Variants in MYO16 observed in about 807,000 individuals in gnomAD.
MYO16 encodes myosin XVI.
MYO16 carries 94 observed loss-of-function variants against 205.3 expected under a neutral mutation model. That is an observed-to-expected ratio of 0.46 (90% confidence interval 0.39 to 0.54). MYO16 has a LOEUF of 0.54. Among genes scored for constraint, MYO16 ranks in the 20% least tolerant of loss-of-function variants. The pLI, the probability that MYO16 is intolerant of heterozygous loss-of-function variation, is 0.00. For synonymous variants in MYO16, 988 were observed against 954.0 expected, an observed-to-expected ratio of 1.04 and a Z score of -0.66; for missense variants, 2,315 against 2,387.5, an observed-to-expected ratio of 0.97 and a Z score of 0.63.
rs1478559039 is a variant in MYO16, at chr13:109,120,449, T to C, written c.3518T>C (p.Ile1173Thr). 3 of 1,610,652 alleles carry C rather than the reference T, an allele frequency of 1.9e-6. No individual in the cohort carries two copies. The highest frequency in any genetic ancestry group is 2.5e-6 in the Non-Finnish European group (3 of 1,178,458). Residue 1173 changes from isoleucine to threonine, a missense_variant, in exon 29 of 35, where the codon ATT becomes ACT. By Grantham distance (89) the Ile-to-Thr change is moderately conservative. Around this residue, in one of 3 missense-constraint regions of MYO16, gnomAD observed 1,097 missense variants for 1,092.0 expected, o/e 1.00. Transcript: ENST00000457511. ...NDLCLQLQRK[I>T]ITCQKVIRGF... The stretch of plus-strand genomic sequence containing the variant: ...TTGTGCCTACAGTTGCAGAGAAAAA[T>C]TATAACCTGCCAAAAAGGTAACATT...
the MYO16 span, among the ~76,000 whole-genome samples, chr13:108,528,570 TCCCCTCC>T: frequency 8.4e-6 from 1 of 118,516 alleles, no homozygotes; most frequent in African/African-American, 3.6e-5. Context: ...TCCTCTCCTC[TCCCCTCC>T]CCTCCCCTTT....
chr13:109,055,689 T>C lies in MYO16; in HGVS notation c.3335+94T>C, dbSNP rs528860629. The C allele has an allele frequency of 8.7e-7, 1 of 1,144,290 alleles. No individual in the cohort carries two copies. 70.9% of individuals were successfully genotyped at this position (1,144,290 alleles called of 1,614,324 possible). On this transcript the variant is annotated intron_variant, in intron 27 of 34. Coordinates refer to ENST00000457511, the MANE Select transcript of MYO16 (RefSeq NM_001198950.3). This position sits in a 1 kb window ranked among gnomAD's most constrained non-coding sequence, Gnocchi z 5.0. Reference sequence around the variant, plus strand: ...ATTGTAGCAAGGGTCTTCTGTTGTCTTTTTTGGCACTGCTTTTGTTGTTTA... The same window carrying C: ...ATTGTAGCAAGGGTCTTCTGTTGTCCTTTTTGGCACTGCTTTTGTTGTTTA...
At chr13:108,869,816 C>CTA (rs1878959207) in intron 12 of MYO16, among the ~76,000 whole-genome samples, 1 of 145,076 alleles carries the variant, frequency 6.9e-6, no homozygotes, top group African/African-American at 2.6e-5. Flanking sequence ...AATTTATTAG[C>CTA]TATAAAATTA....
At chr13:108,994,034 C>T (rs913379247) in intron 21 of MYO16, among the ~76,000 whole-genome samples, 1 of 152,080 alleles carries the variant, frequency 6.6e-6, no homozygotes, top group Non-Finnish European at 1.5e-5. Flanking sequence ...AATAGAGTGT[C>T]CTAATGATGA....
rs1422001669 is a variant in MYO16, at chr13:108,618,297, TG to T, written c.-39+22060del. The stretch of plus-strand genomic sequence containing the variant: ...CTACAGACTCTCTCCCAAGATTCTA[TG>T]GAAGAGATGCATGTAATTCAGGACA... On this transcript the variant is annotated intron_variant, in intron 1 of 24. Coordinates refer to the MYO16 transcript ENST00000251041. 2.0e-5 allele frequency among the ~76,000 whole-genome samples: 3 copies of T among 152,138 alleles called. No homozygotes were observed. In the East Asian group the frequency reaches 5.8e-4, roughly 29 times the overall value.
At chr13:108,881,207 A>G (rs1356444518) in intron 12 of MYO16, among the ~76,000 whole-genome samples, 1 of 152,216 alleles carries the variant, frequency 6.6e-6, no homozygotes, top group Non-Finnish European at 1.5e-5. Context: ...GCAAATTTCA[A>G]CAGACCTGCA....
At chr13:108,903,428 A>C (rs1256670500) in intron 15 of MYO16, among the ~76,000 whole-genome samples, 1 of 152,166 alleles carries the variant, frequency 6.6e-6, no homozygotes, top group Admixed American at 6.5e-5. Flanking sequence ...TATCCACTGA[A>C]GGTAAAGGGT....
intron 1 of MYO16, among the ~76,000 whole-genome samples, chr13:108,610,677 G>A (rs1016339880): frequency 2.0e-5 from 3 of 152,174 alleles, no homozygotes; most frequent in Non-Finnish European, 2.9e-5. Context: ...TCTTATATTT[G>A]CTTTATTCTT....
chr13:108,642,389 G>C (rs1367385785), intron 1 of MYO16, among the ~76,000 whole-genome samples: 1 of 152,130 alleles, frequency 6.6e-6, no homozygotes, highest in Non-Finnish European at 1.5e-5. Context: ...GGCAGGAATG[G>C]AGTTACTATG....
intron 1 of MYO16, among the ~76,000 whole-genome samples, chr13:108,665,065 T>A (rs1881664758): frequency 6.6e-6 from 1 of 152,118 alleles, no homozygotes; most frequent in Non-Finnish European, 1.5e-5. Context: ...ATGAAAAATG[T>A]CCACTGTATC....
chr13:109,063,844 G>A (rs942986948), intron 27 of MYO16, among the ~76,000 whole-genome samples: 1 of 152,158 alleles, frequency 6.6e-6, no homozygotes, highest in Non-Finnish European at 1.5e-5. Flanking sequence ...AAGATTTTGA[G>A]GCATCGTATG....
chr13:108,980,198 T>C (rs960040291), intron 20 of MYO16, among the ~76,000 whole-genome samples: 3 of 152,240 alleles, frequency 2.0e-5, no homozygotes, highest in Non-Finnish European at 4.4e-5. Context: ...ATAAAATGTA[T>C]ACGAAATGCA....
chr13:109,184,850 C>T lies in MYO16; in HGVS notation c.5415+5217C>T, dbSNP rs113472290. 1.6e-4 allele frequency among the ~76,000 whole-genome samples: 25 copies of T among 152,194 alleles called. No individual in the cohort carries two copies. In the South Asian group the frequency reaches 5.2e-3, roughly 32 times the overall value. The stretch of plus-strand genomic sequence containing the variant: ...GTGGCACAATCTCAGCTCACTGCAA[C>T]CTGCACCTCCCAGGTTCAAGCGATT... On this transcript the variant is annotated intron_variant, in intron 34 of 34. Coordinates refer to ENST00000457511, the MANE Select transcript of MYO16 (RefSeq NM_001198950.3).
the MYO16 span, among the ~76,000 whole-genome samples, chr13:108,559,868 A>C: frequency 6.6e-6 from 1 of 152,086 alleles, no homozygotes; most frequent in African/African-American, 2.4e-5. Context: ...AGGAACACTA[A>C]ATTTTCCATA....
intron 13 of MYO16, among the ~76,000 whole-genome samples, chr13:108,885,863 C>A (rs951338453): frequency 2.0e-5 from 3 of 152,110 alleles, no homozygotes; most frequent in African/African-American, 7.2e-5. Flanking sequence ...TGGCACACAG[C>A]GGCCAGCAAG....
chr13:108,997,408 G>A (rs866699216), intron 21 of MYO16, among the ~76,000 whole-genome samples: 1 of 84,146 alleles, frequency 1.2e-5, no homozygotes, highest in Non-Finnish European at 2.5e-5. Flanking sequence ...GGGAGAGTGG[G>A]AGGAAAGGAA....
chr13:109,193,957 T>C (rs1880037415), intron 34 of MYO16, among the ~76,000 whole-genome samples: 1 of 152,194 alleles, frequency 6.6e-6, no homozygotes, highest in Non-Finnish European at 1.5e-5. Flanking sequence ...ATCCTTTCAA[T>C]CCAGATCAAA....
At chr13:108,746,311 C>T (rs1341432412) in intron 4 of MYO16, among the ~76,000 whole-genome samples, 1 of 152,158 alleles carries the variant, frequency 6.6e-6, no homozygotes, top group Non-Finnish European at 1.5e-5. Flanking sequence ...CCTCTGACAG[C>T]CAGCAGGACT....
intron 10 of MYO16, among the ~76,000 whole-genome samples, chr13:108,851,667 C>G (rs1189407275): frequency 6.6e-6 from 1 of 152,196 alleles, no homozygotes. Context: ...GGCAGCTCCT[C>G]TTTTTCTTAA....
Sources: gnomAD v4.1 joint callset for allele counts (sites outside exome capture counted in the v4.1 genomes callset) on GRCh38, gnomAD v4.1.1 for gene constraint, gnomAD v4.1.1 regional missense constraint, Gnocchi (gnomAD v3.1) non-coding constraint, MANE v1.5 for transcripts, NCBI Gene and HGNC (gene_info 2026-07-23, HGNC 2026-07-21) for gene names.